The following ARHGAP6 variants were observed in gnomAD, a reference collection of about 807,000 sequenced individuals.
ARHGAP6 encodes Rho GTPase activating protein 6.
In ARHGAP6, 16 loss-of-function variants were observed where a neutral mutation model predicts 55.7. The ratio of observed to expected loss-of-function variants is 0.29; its 90% CI spans 0.19 to 0.44. ARHGAP6 has a LOEUF of 0.44. Among genes scored for constraint, ARHGAP6 ranks in the 20% least tolerant of loss-of-function variants. The probability of loss-of-function intolerance (pLI) is 1.00; values close to 1 mark genes in which losing one functional copy is unlikely to be tolerated. For synonymous variants in ARHGAP6, 382 were observed against 360.9 expected, an observed-to-expected ratio of 1.06 and a Z score of -0.66; for missense variants, 698 against 808.9, an observed-to-expected ratio of 0.86 and a Z score of 1.66.
rs746033447 is a variant in ARHGAP6, at chrX:11,222,291, T to C, written c.749-25295A>G. 9.8e-5 allele frequency among the ~76,000 whole-genome samples: 11 copies of C among 112,306 alleles called. No homozygotes were observed. The East Asian group carries it at 2.8e-3, about 28-fold the overall frequency. ...CTTATTTTTAAAAAGCTTACTTTAG[T>C]TTTCAGTTCTTCTATAGCAATAATT... On this transcript the variant is annotated intron_variant, in intron 2 of 12. Coordinates refer to ENST00000337414, the MANE Select transcript of ARHGAP6 (RefSeq NM_013427.3).
chrX:11,604,964 G>A (rs2052017270), intron 1 of ARHGAP6, among the ~76,000 whole-genome samples: 1 of 111,982 alleles, frequency 8.9e-6, no homozygotes, highest in Non-Finnish European at 1.9e-5. Context: ...TCAGGGGACA[G>A]CTGTAAGCCT....
At chrX:11,151,400 G>A (rs2045775506) in intron 10 of ARHGAP6, among the ~76,000 whole-genome samples, 1 of 110,069 alleles carries the variant, frequency 9.1e-6, no homozygotes, top group South Asian at 4.0e-4. Flanking sequence ...GAGTAGCTGG[G>A]AGTACAGGCA....
intron 1 of ARHGAP6, among the ~76,000 whole-genome samples, chrX:11,354,327 C>CTCTCTCTCTCTCTA (rs1343744315): frequency 2.2e-4 from 7 of 32,350 alleles, no homozygotes; most frequent in African/African-American, 6.7e-4. Flanking sequence ...CTCTCTCTCT[C>CTCTCTCTCTCTCTA]TATATATATA....
intron 1 of ARHGAP6, among the ~76,000 whole-genome samples, chrX:11,573,032 G>A (rs2051546755): frequency 9.0e-6 from 1 of 111,106 alleles, no homozygotes; most frequent in Non-Finnish European, 1.9e-5. Context: ...TTTTTGATGG[G>A]GTTGTTTTTT....
At chrX:11,428,999 C>T (rs890856245) in intron 1 of ARHGAP6, among the ~76,000 whole-genome samples, 1 of 111,478 alleles carries the variant, frequency 9.0e-6, no homozygotes, top group Non-Finnish European at 1.9e-5. Context: ...GTACAATAAT[C>T]TCATCATATA....
intron 1 of ARHGAP6, among the ~76,000 whole-genome samples, chrX:11,613,893 C>A (rs2052132294): frequency 8.9e-6 from 1 of 112,068 alleles, no homozygotes; most frequent in Admixed American, 9.4e-5. Context: ...AAACAGAAAA[C>A]AAGGTTGTAC....
At chrX:11,633,081 C>T (rs1430840779) in intron 1 of ARHGAP6, among the ~76,000 whole-genome samples, 2 of 112,233 alleles carry the variant, frequency 1.8e-5, no homozygotes, top group African/African-American at 3.2e-5. Context: ...TACACCCTTG[C>T]TTGGCTTCTT....
chrX:11,217,949 A>G (rs182850717), intron 2 of ARHGAP6, among the ~76,000 whole-genome samples: 10 of 111,677 alleles, frequency 9.0e-5, no homozygotes, highest in African/African-American at 3.3e-4. Context: ...AGTTTCCCCA[A>G]CACCATTTAT....
At chrX:11,226,967 C>G (rs1355458893) in intron 2 of ARHGAP6, among the ~76,000 whole-genome samples, 2 of 112,076 alleles carry the variant, frequency 1.8e-5, no homozygotes, top group Admixed American at 9.4e-5. Context: ...AGCATATTAG[C>G]TAATCGTTAT....
At chrX:11,453,221 G>A (rs1456913998) in intron 1 of ARHGAP6, among the ~76,000 whole-genome samples, 1 of 94,253 alleles carries the variant, frequency 1.1e-5, no homozygotes, top group Non-Finnish European at 2.1e-5. Flanking sequence ...ATATATATAT[G>A]CTATATATAT....
In ARHGAP6 at chrX:11,348,434, A is replaced by T. The variant is rs2048815506; in HGVS notation, c.589-93727T>A. Among the ~76,000 whole-genome samples, 3 of 111,227 alleles carry T rather than the reference A, an allele frequency of 2.7e-5. No homozygotes were observed. In the Admixed American group the frequency reaches 2.8e-4, roughly 11 times the overall value. On this transcript the variant is annotated intron_variant, in intron 1 of 12. Coordinates refer to ENST00000337414, the MANE Select transcript of ARHGAP6 (RefSeq NM_013427.3). ...CCCATCATGGGATAGGGGAAGGAGC[A>T]CTGGGTTGGGATCAGAAGTCTTTGT...
chrX:11,429,057 G>A (rs1386267837), intron 1 of ARHGAP6, among the ~76,000 whole-genome samples: 1 of 111,817 alleles, frequency 8.9e-6, no homozygotes, highest in Non-Finnish European at 1.9e-5. Flanking sequence ...AAATAAAAGC[G>A]ATCCAAATGT....
rs756227143 is a variant in ARHGAP6 at position 11,280,677 on chromosome X, C to T, written c.589-25970G>A. 5.9e-5 allele frequency among the ~76,000 whole-genome samples: 6 copies of T among 102,465 alleles called. No individual in the cohort carries two copies. In the East Asian group the frequency reaches 9.1e-4, roughly 16 times the overall value. 89.0% of individuals were successfully genotyped at this position (102,465 alleles called of 115,157 possible). A position where few individuals can be genotyped will look rare whatever the true frequency, so the allele number is the denominator to read the frequency against. ...GGAGGACTGCTTGAGTCCAGGATTT[C>T]GAGGCTGCAGTCAAGACATGATTGT... On this transcript the variant is annotated intron_variant, in intron 1 of 12. Transcript: ENST00000337414.
intron 1 of ARHGAP6, among the ~76,000 whole-genome samples, chrX:11,453,192 C>CATAATATATATATATGCTA (rs1569350301): frequency 2.1e-5 from 2 of 95,574 alleles, no homozygotes; most frequent in Non-Finnish European, 4.2e-5. Flanking sequence ...CTCTCTCTCT[C>CATAATATATATATATGCTA]TCTATATATA....
At chrX:11,378,531 G>A (rs2049227504) in intron 1 of ARHGAP6, among the ~76,000 whole-genome samples, 1 of 112,261 alleles carries the variant, frequency 8.9e-6, no homozygotes, top group African/African-American at 3.2e-5. Flanking sequence ...AGAGCTTCAT[G>A]ACTCCAGTTC....
At position 11,411,183 on chromosome X, in the gene ARHGAP6, TTATATATATATA is replaced by T. The variant is rs201875323; in HGVS notation, c.589-156488_589-156477del. Among the ~76,000 whole-genome samples, 76 of 31,791 alleles carry T rather than the reference TTATATATATATA, an allele frequency of 2.4e-3. 2 individuals are homozygous for T. The highest frequency in any genetic ancestry group is 7.0e-3 in the South Asian group (3 of 426). The allele number at this position is 31,791 out of a possible 115,157, so 27.6% of individuals were successfully genotyped here. A position where few individuals can be genotyped will look rare whatever the true frequency, so the allele number is the denominator to read the frequency against. ...GGCCTGTGTCACTGGCAGACATTAT[TTATATATATATA>T]TATATATATATATATATATATATAT... is the stretch of plus-strand genomic sequence containing the variant. On this transcript the variant is annotated intron_variant, in intron 1 of 12. Transcript: ENST00000337414.
intron 1 of ARHGAP6, among the ~76,000 whole-genome samples, chrX:11,267,793 A>G (rs569048050): frequency 2.7e-5 from 3 of 112,370 alleles, no homozygotes; most frequent in African/African-American, 9.7e-5. Context: ...AATAATGGAG[A>G]AGGTGTGTAT....
chrX:11,267,606 C>T (rs1475884093), intron 1 of ARHGAP6, among the ~76,000 whole-genome samples: 1 of 112,168 alleles, frequency 8.9e-6, no homozygotes, highest in Non-Finnish European at 1.9e-5. Flanking sequence ...TTACCTAACA[C>T]TAGAGTGGTC....
intron 2 of ARHGAP6, among the ~76,000 whole-genome samples, chrX:11,246,425 G>C (rs1255612417): frequency 9.0e-6 from 1 of 111,660 alleles, no homozygotes; most frequent in Admixed American, 9.5e-5. Context: ...GTGGGAGAAA[G>C]GTGATCGATG....
Sources: gnomAD v4.1 joint callset for allele counts (sites outside exome capture counted in the v4.1 genomes callset) on GRCh38, gnomAD v4.1.1 for gene constraint, MANE v1.5 for transcripts, NCBI Gene and HGNC (gene_info 2026-07-23, HGNC 2026-07-21) for gene names.